DCAF7: variants seen among roughly 807,000 people sequenced by gnomAD.
DCAF7 encodes the protein DDB1- and CUL4-associated factor 7.
DCAF7 carries 4 observed loss-of-function variants against 41.2 expected under a neutral mutation model. That is an observed-to-expected ratio of 0.10 (90% CI 0.05 to 0.22). The LOEUF (loss-of-function observed/expected upper bound fraction) is 0.22, where lower values mean the gene tolerates loss of function less well. Among genes scored for constraint, DCAF7 ranks in the 10% least tolerant of loss-of-function variants. DCAF7 has a pLI of 1.00. For missense variants in DCAF7, 131 were observed against 443.2 expected, an observed-to-expected ratio of 0.30 and a Z score of 6.32; for synonymous variants, 143 against 164.2, an observed-to-expected ratio of 0.87 and a Z score of 0.99.
chr17:63,579,289 T>A lies in DCAF7; in HGVS notation c.298-48T>A. ...AACAGGGATTTTTTAAAAGACTTTT[T>A]ATGAGGATAAGACTGGCTGATTTTT... On this transcript the variant is annotated intron_variant, in intron 2 of 6. Coordinates refer to ENST00000614556, the MANE Select transcript of DCAF7 (RefSeq NM_005828.5). 3.0e-6 allele frequency: 4 copies of A among 1,315,668 alleles called. No homozygotes were observed. In the South Asian group the frequency reaches 5.4e-5, roughly 18 times the overall value. 81.5% of individuals were successfully genotyped at this position (1,315,668 alleles called of 1,614,324 possible).
intron 1 of DCAF7, among the ~76,000 whole-genome samples, chr17:63,577,201 G>A (rs1295835168): frequency 1.3e-5 from 2 of 152,098 alleles, no homozygotes; most frequent in Non-Finnish European, 2.9e-5. Context: ...CTTACTGTGG[G>A]GGTTATACAA....
chr17:63,572,169 G>A lies in DCAF7; in HGVS notation c.139-6301G>A, dbSNP rs992096127. The stretch of plus-strand genomic sequence containing the variant: ...ATAATATTCAAAGCTCATATATTGA[G>A]TAAGACAGTTCTATGTAGAGCTGTT... On this transcript the variant is annotated intron_variant, in intron 1 of 6. Transcript: ENST00000614556. Among the ~76,000 whole-genome samples the A allele has an allele frequency of 1.6e-4, 24 of 152,168 alleles. 1 individual carries two copies. Among genetic ancestry groups the A allele is most frequent in the African/African-American group, 7.2e-5 (3 of 41,444 alleles).
intron 1 of DCAF7, among the ~76,000 whole-genome samples, chr17:63,577,652 G>A (rs1363249614): frequency 3.9e-5 from 6 of 152,160 alleles, no homozygotes; most frequent in African/African-American, 1.4e-4. Context: ...AACATAATGA[G>A]CCAGTGTTGA....
intron 1 of DCAF7, among the ~76,000 whole-genome samples, chr17:63,554,838 T>C (rs182834141): frequency 1.1e-4 from 16 of 152,322 alleles, no homozygotes; most frequent in Non-Finnish European, 2.2e-4. Flanking sequence ...AAATTTACTT[T>C]TGTATTTTCC....
rs1232134874 is a variant in DCAF7 at position 63,591,077 on chromosome 17, A to G, written c.*1905A>G. ...CATCGTTTGGAGATACAAAGCGAGCAGTTCTTGGTCAGAACCCTCCTCTGC... is the reference window on the plus strand; with the variant it reads ...CATCGTTTGGAGATACAAAGCGAGCGGTTCTTGGTCAGAACCCTCCTCTGC... On this transcript the variant is annotated 3_prime_UTR_variant, in exon 7 of 7. Transcript: ENST00000614556. The G allele has an allele frequency of 2.0e-5, 3 of 152,250 alleles. No homozygotes were observed. The East Asian group carries it at 5.8e-4, about 29-fold the overall frequency. The allele number at this position is 152,250 out of a possible 1,614,324, so 9.4% of individuals were successfully genotyped here. A position where few individuals can be genotyped will look rare whatever the true frequency, so the allele number is the denominator to read the frequency against.
At chr17:63,564,323 TTA>T (rs1475230319) in intron 1 of DCAF7, among the ~76,000 whole-genome samples, 1 of 152,166 alleles carries the variant, frequency 6.6e-6, no homozygotes, top group African/African-American at 2.4e-5. Flanking sequence ...CAAGAAAATG[TTA>T]GAGGATATAA....
chr17:63,582,915 G>GA (rs1402906372), intron 4 of DCAF7, among the ~76,000 whole-genome samples: 1 of 152,224 alleles, frequency 6.6e-6, no homozygotes, highest in Non-Finnish European at 1.5e-5. Context: ...ACTAGGAGAA[G>GA]AAAAAACATG....
intron 3 of DCAF7, among the ~76,000 whole-genome samples, 175 bp from the exon 4 acceptor site, chr17:63,579,650 A>G (rs1474250239): frequency 1.3e-5 from 2 of 151,880 alleles, no homozygotes; most frequent in Non-Finnish European, 2.9e-5. Flanking sequence ...CTAAGGTCCT[A>G]CGGTGAGGAC....
intron 1 of DCAF7, among the ~76,000 whole-genome samples, chr17:63,574,106 CTAT>C (rs2033536344): frequency 6.6e-6 from 1 of 152,178 alleles, no homozygotes; most frequent in Admixed American, 6.5e-5. Flanking sequence ...CTGCTTGCTG[CTAT>C]CAAATGGGTC....
Position 63,588,997 on chromosome 17 carries a change from T to C in DCAF7, c.857-3T>C. On this transcript the variant is annotated splice_polypyrimidine_tract_variant and splice_region_variant and intron_variant, in intron 6 of 6. Transcript: ENST00000614556. ...CTTGCTTGCTGGCTTTCTTTGTCCCTAGCGGATGACCACCAGGCTCTCATC... is the reference window on the plus strand; with the variant it reads ...CTTGCTTGCTGGCTTTCTTTGTCCCCAGCGGATGACCACCAGGCTCTCATC... 1 of 1,607,646 alleles carries C rather than the reference T, an allele frequency of 6.2e-7. No individual in the cohort carries two copies. The highest frequency in any genetic ancestry group is 8.5e-7 in the Non-Finnish European group (1 of 1,175,630).
chr17:63,572,391 C>T (rs1432780028), intron 1 of DCAF7, among the ~76,000 whole-genome samples: 1 of 151,982 alleles, frequency 6.6e-6, no homozygotes, highest in Non-Finnish European at 1.5e-5. Flanking sequence ...GAGGATTTTA[C>T]AGGTATAGAG....
At chr17:63,553,403 A>G (rs1449630112) in intron 1 of DCAF7, among the ~76,000 whole-genome samples, 2 of 152,316 alleles carry the variant, frequency 1.3e-5, no homozygotes, top group Non-Finnish European at 2.9e-5. Context: ...TAATTTTCCA[A>G]TTCAAGTTCA....
intron 1 of DCAF7, among the ~76,000 whole-genome samples, chr17:63,558,411 T>G (rs1302264123): frequency 6.6e-6 from 1 of 152,162 alleles, no homozygotes; most frequent in Non-Finnish European, 1.5e-5. Flanking sequence ...TATGTGGAAA[T>G]AATAATGCTG....
At chr17:63,580,127 CT>C (rs1050766632) in intron 4 of DCAF7, among the ~76,000 whole-genome samples, 184 bp downstream of exon 4, 4 of 151,740 alleles carry the variant, frequency 2.6e-5, no homozygotes, top group African/African-American at 9.7e-5. Context: ...TAAACTAATG[CT>C]TTTTTTTGGC....
intron 6 of DCAF7, among the ~76,000 whole-genome samples, chr17:63,588,173 A>G (rs1434353463): frequency 7.2e-6 from 1 of 139,804 alleles, no homozygotes; most frequent in Admixed American, 6.9e-5. Context: ...GGTGTTTCCC[A>G]TAGCTATTTT....
intron 1 of DCAF7, among the ~76,000 whole-genome samples, chr17:63,559,675 G>T (rs2033359736): frequency 1.3e-5 from 2 of 150,630 alleles, no homozygotes; most frequent in African/African-American, 4.9e-5. Flanking sequence ...GGTGGCAGGT[G>T]CCTGTAATCC....
chr17:63,580,025 G>A lies in DCAF7; in HGVS notation c.528+82G>A, dbSNP rs1020255780. 1.8e-5 allele frequency: 18 copies of A among 987,450 alleles called. No individual in the cohort carries two copies. The Admixed American group carries it at 3.6e-4, about 20-fold the overall frequency. 61.2% of individuals were successfully genotyped at this position (987,450 alleles called of 1,614,324 possible). Reference sequence around the variant, plus strand: ...GAAGAGGTCAGCTTGTTCTCTCATTGTTCTGCAATTTATGTAGAAAATCAT... The same window carrying A: ...GAAGAGGTCAGCTTGTTCTCTCATTATTCTGCAATTTATGTAGAAAATCAT... On this transcript the variant is annotated intron_variant, in intron 4 of 6. Coordinates refer to ENST00000614556, the MANE Select transcript of DCAF7 (RefSeq NM_005828.5).
intron 1 of DCAF7, among the ~76,000 whole-genome samples, chr17:63,552,163 A>C (rs530489879): frequency 2.6e-5 from 4 of 152,164 alleles, no homozygotes; most frequent in Non-Finnish European, 4.4e-5. Flanking sequence ...GTTATTGACT[A>C]GCTGTGAGAT....
Position 63,578,596 on chromosome 17 carries a change from G to T in DCAF7, c.265G>T (p.Ala89Ser), listed in dbSNP as rs1352316406. 5 of 1,614,026 alleles carry T rather than the reference G, an allele frequency of 3.1e-6. No individual in the cohort carries two copies. The highest frequency in any genetic ancestry group is 1.1e-5 in the South Asian group (1 of 91,086). Residue 89 changes from alanine to serine, a missense_variant, in exon 2 of 7, where the codon GCA becomes TCA. Transcript: ENST00000614556. ...AAAAGGCGTCTATCCAGACCTACTGGCAACAAGCGGTGACTATCTCCGTGT... is the reference window on the plus strand; with the variant it reads ...AAAAGGCGTCTATCCAGACCTACTGTCAACAAGCGGTGACTATCTCCGTGT... ...DTKGVYPDLLATSGDYLRVWR... is the reference protein window; with the variant it reads ...DTKGVYPDLLSTSGDYLRVWR...
Sources: gnomAD v4.1 joint callset for allele counts (sites outside exome capture counted in the v4.1 genomes callset) on GRCh38, gnomAD v4.1.1 for gene constraint, MANE v1.5 for transcripts, NCBI Gene and HGNC (gene_info 2026-07-23, HGNC 2026-07-21) for gene names.